The following ZFHX3 variants were observed in gnomAD, a reference collection of about 807,000 sequenced individuals.
The protein encoded by ZFHX3 is zinc finger homeobox 3.
ZFHX3 carries 42 observed loss-of-function variants against 279.1 expected under a neutral mutation model. The ratio of observed to expected loss-of-function variants is 0.15; its 90% CI spans 0.12 to 0.19. The LOEUF is 0.19. ZFHX3 is among the 10% of genes least tolerant of loss of function. ZFHX3 has a pLI of 1.00. For synonymous variants in ZFHX3, 2,293 were observed against 1,957.8 expected, an observed-to-expected ratio of 1.17 and a Z score of -4.52; for missense variants, 4,981 against 4,754.0, an observed-to-expected ratio of 1.05 and a Z score of -1.40.
rs1428874957 is a variant in ZFHX3, at chr16:73,839,517, G to A, written c.-1608+52134C>T. 2.0e-5 allele frequency among the ~76,000 whole-genome samples: 3 copies of A among 152,092 alleles called. No homozygotes were observed. In the East Asian group the frequency reaches 5.8e-4, roughly 29 times the overall value. On this transcript the variant is annotated intron_variant, in intron 1 of 17. Transcript: ENST00000641206. ...CCCCTACCTAAGCAATCACTATGATGAAAAAATCAAATCATCTTAGAAAAA... is the reference window on the plus strand; with the variant it reads ...CCCCTACCTAAGCAATCACTATGATAAAAAAATCAAATCATCTTAGAAAAA...
At chr16:73,172,689 CG>C (rs1967558212) in intron 5 of ZFHX3, among the ~76,000 whole-genome samples, 3 of 152,132 alleles carry the variant, frequency 2.0e-5, no homozygotes, top group Admixed American at 1.3e-4. Context: ...GTAAGTAGCC[CG>C]GACAATGAGA....
intron 5 of ZFHX3, among the ~76,000 whole-genome samples, chr16:73,178,602 T>C (rs969230898): frequency 6.6e-6 from 1 of 152,246 alleles, no homozygotes; most frequent in Admixed American, 6.5e-5. Context: ...AATTCCACTT[T>C]ATTCATGTTC....
At chr16:73,477,513 T>C (rs538678605) in intron 2 of ZFHX3, among the ~76,000 whole-genome samples, 50 of 152,358 alleles carry the variant, frequency 3.3e-4, no homozygotes, top group African/African-American at 1.1e-3. Flanking sequence ...GACTATTCTA[T>C]GTTCTATGGT....
intron 4 of ZFHX3, among the ~76,000 whole-genome samples, chr16:72,833,411 A>AT (rs1196508193): frequency 1.3e-5 from 2 of 151,964 alleles, no homozygotes; most frequent in East Asian, 1.9e-4. Context: ...GAGGCTGCAG[A>AT]TTTTTTTCCC....
intron 3 of ZFHX3, among the ~76,000 whole-genome samples, chr16:73,337,662 A>G (rs2015939829): frequency 6.6e-6 from 1 of 151,702 alleles, no homozygotes; most frequent in African/African-American, 2.4e-5. Context: ...TAGACAATCC[A>G]TCAAATGTGC....
chr16:73,575,530 A>C (rs1195016542), intron 2 of ZFHX3, among the ~76,000 whole-genome samples: 1 of 152,312 alleles, frequency 6.6e-6, no homozygotes, highest in African/African-American at 2.4e-5. Flanking sequence ...AAACATCAAC[A>C]TGGGACCGAT....
intron 5 of ZFHX3, among the ~76,000 whole-genome samples, chr16:73,242,715 A>G (rs1435816701): frequency 6.6e-6 from 1 of 152,242 alleles, no homozygotes; most frequent in Non-Finnish European, 1.5e-5. Flanking sequence ...TCATGCAATA[A>G]CGAGACAAGA....
Position 73,211,448 on chromosome 16 carries a change from A to T in ZFHX3, c.-1104+45599T>A, listed in dbSNP as rs569512894. Among the ~76,000 whole-genome samples the T allele has an allele frequency of 2.2e-4, 33 of 152,266 alleles. 1 individual carries two copies. Among genetic ancestry groups the T allele is most frequent in the African/African-American group, 7.7e-4 (32 of 41,560 alleles). The stretch of plus-strand genomic sequence containing the variant: ...TCAGATAAATTTATCCATTTTTTAA[A>T]AAAAGAGGCAAAGCACAGGGTAATA... On this transcript the variant is annotated intron_variant, in intron 5 of 17. Transcript: ENST00000641206.
At chr16:73,016,951 C>T (rs1043054626) in intron 1 of ZFHX3, among the ~76,000 whole-genome samples, 25 of 151,682 alleles carry the variant, frequency 1.6e-4, no homozygotes, top group African/African-American at 5.8e-4. Context: ...GGGGGCTGGG[C>T]GCAGTGGTTC....
In ZFHX3 at chr16:72,869,097, G is replaced by C. The variant is rs528800366; in HGVS notation, c.3448+20634C>G. 2.6e-5 allele frequency among the ~76,000 whole-genome samples: 4 copies of C among 152,382 alleles called. No homozygotes were observed. The East Asian group carries it at 7.7e-4, about 29-fold the overall frequency. ...TCATTCATTTCCTTCAGATAAGGGA[G>C]AGAAGACGGAAAGGAAGGCAGGAAG... On this transcript the variant is annotated intron_variant, in intron 4 of 9. Coordinates refer to ENST00000268489, the MANE Select transcript of ZFHX3 (RefSeq NM_006885.4).
rs780763672 is a variant in ZFHX3 at position 72,957,752 on chromosome 16, T to C, written c.2394A>G (p.Pro798=). The part of the protein sequence containing the change: ...SSCGAPSPTK[P]KTKPTWRCEV... ...CGCACCGCCAGGTGGGTTTGGTTTT[T>C]GGTTTGGTCGGCGAGGGGGCCCCGC... Residue 798 remains proline, a synonymous_variant, in exon 2 of 10, where the codon CCA becomes CCG. Transcript: ENST00000268489. The C allele has an allele frequency of 8.1e-6, 13 of 1,613,996 alleles. No homozygotes were observed.
At chr16:72,963,061 G>A (rs1219412523) in intron 1 of ZFHX3, among the ~76,000 whole-genome samples, 2 of 152,104 alleles carry the variant, frequency 1.3e-5, no homozygotes, top group Admixed American at 6.5e-5. Context: ...TCGGCAGGTC[G>A]ATCAGCACTC....
chr16:73,257,396 G>T (rs762660543), intron 4 of ZFHX3, among the ~76,000 whole-genome samples: 1 of 152,182 alleles, frequency 6.6e-6, no homozygotes, highest in Non-Finnish European at 1.5e-5. Flanking sequence ...ATTAGCCCAT[G>T]GACTTGACTC....
At chr16:73,229,141 G>C (rs1389695816) in intron 5 of ZFHX3, among the ~76,000 whole-genome samples, 1 of 152,278 alleles carries the variant, frequency 6.6e-6, no homozygotes, top group South Asian at 2.1e-4. Flanking sequence ...TTGTGCTACT[G>C]CTTGGGAAGT....
intron 3 of ZFHX3, among the ~76,000 whole-genome samples, chr16:73,386,127 A>G (rs1317304325): frequency 6.6e-6 from 1 of 152,098 alleles, no homozygotes; most frequent in Non-Finnish European, 1.5e-5. Context: ...TTCTCTTAGC[A>G]TCTTCTTGAC....
chr16:72,800,069 G>C lies in ZFHX3; in HGVS notation c.3925C>G (p.Arg1309Gly). ...SMFLPAAVPD[R>G]DGNSNLEEAG... ...TCTTCCAAATTGGAATTCCCATCTC[G>C]ATCTGGAACAGCTGCTGGGAGGAAC... The change falls in exon 8 of 10, where the codon CGA becomes GGA. Residue 1309 changes from arginine (R) to glycine (G), a missense_variant. By Grantham distance (125) the Arg-to-Gly change is moderately radical (BLOSUM62 -2). Transcript: ENST00000268489. 6.2e-7 allele frequency: 1 copy of C among 1,614,136 alleles called. No homozygotes were observed. The highest frequency in any genetic ancestry group is 8.5e-7 in the Non-Finnish European group (1 of 1,180,030).
At chr16:73,705,617 G>T (rs1183357907) in intron 1 of ZFHX3, among the ~76,000 whole-genome samples, 8 of 152,124 alleles carry the variant, frequency 5.3e-5, no homozygotes, top group Non-Finnish European at 8.8e-5. Flanking sequence ...AGCTAGACAT[G>T]CATTTCCTCC....
At chr16:73,181,081 G>GT (rs1433948565) in intron 5 of ZFHX3, among the ~76,000 whole-genome samples, 4 of 142,934 alleles carry the variant, frequency 2.8e-5, no homozygotes, top group South Asian at 2.2e-4. Flanking sequence ...TTTTTTGTTT[G>GT]TTTGTTTTGT....
chr16:73,759,949 G>A (rs1877352), intron 1 of ZFHX3, among the ~76,000 whole-genome samples: 108,729 of 149,536 alleles, frequency 0.73, 40,308 homozygotes, highest in Non-Finnish European at 0.79. Context: ...AAGATCAGAG[G>A]GGAACTAAAG....
Sources: gnomAD v4.1 joint callset for allele counts (sites outside exome capture counted in the v4.1 genomes callset) on GRCh38, gnomAD v4.1.1 for gene constraint, MANE v1.5 for transcripts, NCBI Gene and HGNC (gene_info 2026-07-23, HGNC 2026-07-21) for gene names.